Variants in ITPK1 observed in about 807,000 individuals in gnomAD.
The protein encoded by ITPK1 is inositol 1,3,4-trisphosphate 5/6-kinase.
Under a neutral mutation model 45.3 loss-of-function variants are expected in ITPK1, and 21 were observed. The observed-to-expected ratio is 0.46, with a 90% CI of 0.33 to 0.67. The LOEUF is 0.67. Among genes scored for constraint, ITPK1 ranks in the 30% least tolerant of loss-of-function variants. The pLI is 0.02. For synonymous variants in ITPK1, 258 were observed against 253.6 expected (o/e 1.02, Z -0.16); for missense variants, 474 against 573.5 (o/e 0.83, Z 1.77).
At chr14:93,054,424 G>A (rs1460073695) in intron 3 of ITPK1, among the ~76,000 whole-genome samples, 2 of 152,192 alleles carry the variant, frequency 1.3e-5, no homozygotes. Flanking sequence ...AAGCACAGGA[G>A]GGAACCCTGT....
At chr14:93,049,947 C>T (rs954472419) in intron 3 of ITPK1, among the ~76,000 whole-genome samples, 14 of 152,078 alleles carry the variant, frequency 9.2e-5, no homozygotes, top group Admixed American at 1.3e-4. Context: ...GTTACAAACA[C>T]GGTCCCTCCA....
chr14:93,100,566 G>C (rs1159202097), intron 2 of ITPK1, among the ~76,000 whole-genome samples: 30 of 146,172 alleles, frequency 2.1e-4, no homozygotes, highest in African/African-American at 7.1e-4. Context: ...GACAGAGAGA[G>C]AGAGAGACAG....
Position 92,938,682 on chromosome 14 carries a change from C to T in ITPK1, c.*2879G>A. On this transcript the variant is annotated 3_prime_UTR_variant, in exon 11 of 11. Transcript: ENST00000267615. ...CATGCTGGGTGACTGCAGGCCCAGC[C>T]CACCCACCACGTGTGGACCCAGACA... 1 of 655,174 alleles carries T rather than the reference C, an allele frequency of 1.5e-6. No individual in the cohort carries two copies. The highest frequency in any genetic ancestry group is 2.8e-6 in the Non-Finnish European group (1 of 361,946). 40.6% of individuals were successfully genotyped at this position (655,174 alleles called of 1,614,324 possible).
intron 10 of ITPK1, 30 bp from the exon 11 acceptor site, chr14:92,941,934 G>A (rs1887445631): frequency 8.8e-6 from 14 of 1,595,656 alleles, no homozygotes; most frequent in Middle Eastern, 3.5e-4. Context: ...AGCACAAGGG[G>A]CGTGAGCCAG....
chr14:93,031,386 C>T (rs1185553675), intron 3 of ITPK1, among the ~76,000 whole-genome samples: 4 of 152,206 alleles, frequency 2.6e-5, no homozygotes. Context: ...GGAGAGACCG[C>T]TGTGGAAGTT....
Position 93,036,674 on chromosome 14 carries a change from A to G in ITPK1, c.121-19873T>C, listed in dbSNP as rs1222156776. On this transcript the variant is annotated intron_variant, in intron 3 of 10. Coordinates refer to ENST00000267615, the MANE Select transcript of ITPK1 (RefSeq NM_014216.6). This position sits in a 1 kb window ranked among gnomAD's most constrained non-coding sequence, Gnocchi z 4.1. ...GCTCTCCCCCAGGAACACTGCCCCT[A>G]TTCTCTGGGCTCTGGGATCGTTACC... Among the ~76,000 whole-genome samples, 1 of 151,888 alleles carries G rather than the reference A, an allele frequency of 6.6e-6. No homozygotes were observed. Among genetic ancestry groups the G allele is most frequent in the Non-Finnish European group, 1.5e-5 (1 of 67,974 alleles).
chr14:93,078,750 C>A (rs1370278665), intron 2 of ITPK1, among the ~76,000 whole-genome samples: 1 of 152,146 alleles, frequency 6.6e-6, no homozygotes, highest in Non-Finnish European at 1.5e-5. Context: ...CCTGTGGACA[C>A]CTCAGCCCCT....
rs1887957849 is a variant in ITPK1, at chr14:93,012,350, C to T, written c.246+4326G>A. Among the ~76,000 whole-genome samples the T allele has an allele frequency of 6.6e-6, 1 of 152,154 alleles. No individual in the cohort carries two copies. Among genetic ancestry groups the T allele is most frequent in the East Asian group, 1.9e-4 (1 of 5,194 alleles). On this transcript the variant is annotated intron_variant, in intron 4 of 10. Coordinates refer to ENST00000267615, the MANE Select transcript of ITPK1 (RefSeq NM_014216.6). The surrounding 1 kb of genome is among the most constrained non-coding windows in gnomAD (Gnocchi z 4.9). ...TCATTAATCAGCTCACGAGGGAGGA[C>T]ATTTCTTGGGAAGGGGCACTGAGCT...
chr14:92,951,124 C>A (rs1045989610), intron 9 of ITPK1, among the ~76,000 whole-genome samples: 1 of 152,244 alleles, frequency 6.6e-6, no homozygotes, highest in Admixed American at 6.5e-5. Flanking sequence ...CAAAGCCCCC[C>A]AGAAGAGCAG....
At chr14:92,952,330 G>C (rs147096121) in intron 8 of ITPK1, among the ~76,000 whole-genome samples, 1 of 152,314 alleles carries the variant, frequency 6.6e-6, no homozygotes, top group East Asian at 1.9e-4. Context: ...AGGGAAGTAG[G>C]GGAAAAGGGC....
At chr14:93,020,754 T>C (rs1312544580) in intron 3 of ITPK1, among the ~76,000 whole-genome samples, 1 of 152,120 alleles carries the variant, frequency 6.6e-6, no homozygotes, top group African/African-American at 2.4e-5. Flanking sequence ...ATTACTCAGA[T>C]AATGGGGAGG....
chr14:93,010,219 A>G (rs1887824005), intron 4 of ITPK1, among the ~76,000 whole-genome samples: 1 of 152,202 alleles, frequency 6.6e-6, no homozygotes, highest in South Asian at 2.1e-4. Context: ...GGTGTTATTT[A>G]TCCTCTGATA....
At chr14:92,986,258 T>C (rs1035593824) in intron 5 of ITPK1, among the ~76,000 whole-genome samples, 1 of 152,230 alleles carries the variant, frequency 6.6e-6, no homozygotes, top group Non-Finnish European at 1.5e-5. Flanking sequence ...ATGGCTGCTG[T>C]TGGATACCTT....
At chr14:92,961,233 G>A (rs564751081) in intron 7 of ITPK1, among the ~76,000 whole-genome samples, 41 of 152,328 alleles carry the variant, frequency 2.7e-4, no homozygotes, top group Non-Finnish European at 4.9e-4. Flanking sequence ...AGGCAGTGCT[G>A]TGTCCAGGGC....
chr14:92,993,803 C>T (rs1271962696), intron 5 of ITPK1, 77 bp downstream of exon 5: 13 of 891,518 alleles, frequency 1.5e-5, no homozygotes, highest in Non-Finnish European at 2.3e-5. Flanking sequence ...CCTCTGTCTC[C>T]ACACCTCAGG....
At chr14:92,969,095 T>C (rs1044795780) in intron 5 of ITPK1, among the ~76,000 whole-genome samples, 1 of 151,904 alleles carries the variant, frequency 6.6e-6, no homozygotes, top group Admixed American at 6.6e-5. Context: ...GAAGTGAGAG[T>C]AAATAAGAAA....
rs1888023499 is a variant in ITPK1, at chr14:92,952,871, G to C, written c.671-858C>G. Among the ~76,000 whole-genome samples the C allele has an allele frequency of 2.0e-5, 3 of 152,276 alleles. 1 individual carries two copies. In the South Asian group the frequency reaches 6.2e-4, roughly 31 times the overall value. Reference sequence around the variant, plus strand: ...CACTGGGAAGCATTGGCACGCAAATGCAAGAATTGCAGAACCATGAGCCTC... The same window carrying C: ...CACTGGGAAGCATTGGCACGCAAATCCAAGAATTGCAGAACCATGAGCCTC... On this transcript the variant is annotated intron_variant, in intron 8 of 10. Transcript: ENST00000267615.
At chr14:93,072,733 G>C (rs944968244) in intron 3 of ITPK1, among the ~76,000 whole-genome samples, 2 of 151,384 alleles carry the variant, frequency 1.3e-5, no homozygotes, top group African/African-American at 4.9e-5. Flanking sequence ...TCCCACCTCA[G>C]CCCCAAGCGG....
intron 3 of ITPK1, chr14:93,068,196 A>G (rs1890838848): frequency 6.6e-6 from 1 of 152,276 alleles, no homozygotes. Flanking sequence ...TCATCCCTTT[A>G]AAGAGGAAGG....
Sources: allele counts gnomAD v4.1 joint callset (sites outside exome capture counted in the v4.1 genomes callset), GRCh38; gene constraint gnomAD v4.1.1; non-coding constraint Gnocchi (gnomAD v3.1); transcripts MANE v1.5; gene names NCBI Gene and HGNC (gene_info 2026-07-23, HGNC 2026-07-21).